Variants in WRN observed in about 807,000 individuals in gnomAD.
The protein encoded by WRN is WRN RecQ like helicase.
In WRN, 149 loss-of-function variants were observed where a neutral mutation model predicts 180.7. The ratio of observed to expected loss-of-function variants is 0.82; its 90% CI spans 0.72 to 0.94. The LOEUF (loss-of-function observed/expected upper bound fraction) is 0.94. Ranked by LOEUF, WRN falls within the 40% of genes least tolerant of loss-of-function variation. The pLI, the probability that WRN is intolerant of heterozygous loss-of-function variation, is 0.00. For synonymous variants in WRN, 548 were observed against 568.9 expected, an observed-to-expected ratio of 0.96 and a Z score of 0.52; for missense variants, 1,661 against 1,700.1, an observed-to-expected ratio of 0.98 and a Z score of 0.40.
At chr8:31,170,156 G>A (rs1461560384) in intron 34 of WRN, among the ~76,000 whole-genome samples, 1 of 152,014 alleles carries the variant, frequency 6.6e-6, no homozygotes, top group East Asian at 1.9e-4. Context: ...AGTTTCCCAA[G>A]GATACCTTTA....
chr8:31,083,926 T>C, intron 10 of WRN, 147 bp downstream of exon 10: 1 of 907,248 alleles, frequency 1.1e-6, no homozygotes, highest in Non-Finnish European at 1.7e-6. Context: ...TTCCAATTCA[T>C]GTTTCTTTCA....
chr8:31,069,817 A>T (rs946139752), intron 7 of WRN, among the ~76,000 whole-genome samples: 1 of 152,172 alleles, frequency 6.6e-6, no homozygotes, highest in African/African-American at 2.4e-5. Context: ...AACTCATAAT[A>T]AAACTAAAAT....
At chr8:31,058,128 G>A (rs1278143339) in intron 1 of WRN, among the ~76,000 whole-genome samples, 1 of 152,148 alleles carries the variant, frequency 6.6e-6, no homozygotes, top group Non-Finnish European at 1.5e-5. Flanking sequence ...GGTTATTCTT[G>A]AGAAAGACTC....
rs758991936 is a variant in WRN, at chr8:31,157,653, A to AT, written c.3982+125dup. 45 of 1,341,304 alleles carry AT rather than the reference A, an allele frequency of 3.4e-5. 1 individual carries two copies. Among genetic ancestry groups the AT allele is most frequent in the Non-Finnish European group, 4.3e-5 (42 of 968,828 alleles). The allele number at this position is 1,341,304 out of a possible 1,614,324, so 83.1% of individuals were successfully genotyped here. Reference sequence around the variant, plus strand: ...CTATTATGAAAACCTTACTTTTGTGATTCTTTTTCTTGTTTTAGGAAAACA... The same window carrying AT: ...CTATTATGAAAACCTTACTTTTGTGATTTCTTTTTCTTGTTTTAGGAAAACA... On this transcript the variant is annotated intron_variant, in intron 33 of 34. Coordinates refer to ENST00000298139, the MANE Select transcript of WRN (RefSeq NM_000553.6).
At chr8:31,092,214 C>T (rs1813775159) in intron 16 of WRN, among the ~76,000 whole-genome samples, 1 of 151,930 alleles carries the variant, frequency 6.6e-6, no homozygotes, top group African/African-American at 2.4e-5. Flanking sequence ...GCATTGTACT[C>T]ATAGAATTAT....
At position 31,157,398 on chromosome 8, in the gene WRN, C is replaced by T. The variant is rs368876038; in HGVS notation, c.3850C>T (p.Leu1284Phe). The change falls in exon 33 of 35, where the codon CTC becomes TTC. Residue 1284 changes from leucine to phenylalanine, a missense_variant. Coordinates refer to ENST00000298139, the MANE Select transcript of WRN (RefSeq NM_000553.6). ...KSIAESRILPLMTIGMHLSQA... is the reference protein window; with the variant it reads ...KSIAESRILPFMTIGMHLSQA... ...CATAGCTGAGAGCAGGATTCTGCCT[C>T]TCATGACAATTGGCATGCACTTATC... The T allele has an allele frequency of 8.1e-6, 13 of 1,614,068 alleles. No homozygotes were observed. Among genetic ancestry groups the T allele is most frequent in the Non-Finnish European group, 9.3e-6 (11 of 1,180,004 alleles).
chr8:31,094,373 TCTCC>T (rs1286219038), intron 16 of WRN, among the ~76,000 whole-genome samples: 1 of 149,368 alleles, frequency 6.7e-6, no homozygotes, highest in Non-Finnish European at 1.5e-5. Context: ...TGAGTCAGGG[TCTCC>T]CTCTGTCTCC....
At chr8:31,132,257 G>T (rs1802208118) in intron 23 of WRN, 108 bp from the exon 24 acceptor site, 2 of 1,343,218 alleles carry the variant, frequency 1.5e-6, no homozygotes, top group Middle Eastern at 2.4e-4. Flanking sequence ...GAAGCAGTTG[G>T]CACATTTGAG....
intron 1 of WRN, among the ~76,000 whole-genome samples, chr8:31,036,772 A>G (rs111458599): frequency 0.037 from 5,595 of 152,114 alleles, 331 homozygotes; most frequent in African/African-American, 0.13. Context: ...CTCTTATTAG[A>G]TGTATAGTTT....
chr8:31,125,964 C>A lies in WRN; in HGVS notation c.2825+964C>A, dbSNP rs911638982. 3.0e-5 allele frequency among the ~76,000 whole-genome samples: 4 copies of A among 132,712 alleles called. No homozygotes were observed. In the East Asian group the frequency reaches 6.1e-4, roughly 20 times the overall value. 87.1% of individuals were successfully genotyped at this position (132,712 alleles called of 152,430 possible). A position where few individuals can be genotyped will look rare whatever the true frequency, so the allele number is the denominator to read the frequency against. On this transcript the variant is annotated intron_variant, in intron 23 of 34. Transcript: ENST00000298139. The stretch of plus-strand genomic sequence containing the variant: ...TTAATCATCACAACCAAGAAGACAT[C>A]ATCCTAAATATATATATATATATAT...
At chr8:31,057,708 G>A (rs775205287) in intron 1 of WRN, among the ~76,000 whole-genome samples, 1 of 151,738 alleles carries the variant, frequency 6.6e-6, no homozygotes, top group East Asian at 1.9e-4. Context: ...ATCAGGGTAC[G>A]GATCCATTTT....
chr8:31,049,771 T>C (rs187936814), intron 1 of WRN, among the ~76,000 whole-genome samples: 8 of 152,238 alleles, frequency 5.3e-5, no homozygotes, highest in African/African-American at 1.9e-4. Context: ...GGGATCCCAG[T>C]ATACTATAGG....
At position 31,173,345 on chromosome 8, in the gene WRN, G is replaced by A; in HGVS notation, c.*243G>A. 1 of 491,836 alleles carries A rather than the reference G, an allele frequency of 2.0e-6. No individual in the cohort carries two copies. The highest frequency in any genetic ancestry group is 3.6e-6 in the Non-Finnish European group (1 of 274,018). The allele number at this position is 491,836 out of a possible 1,614,324, so 30.5% of individuals were successfully genotyped here. A position where few individuals can be genotyped will look rare whatever the true frequency, so the allele number is the denominator to read the frequency against. On this transcript the variant is annotated 3_prime_UTR_variant, in exon 35 of 35. Transcript: ENST00000298139. ...ATTAAATTAGACTTCCTGTAAGATTGCTTTAAGAAACTGTTACTGTCCTGT... is the reference window on the plus strand; with the variant it reads ...ATTAAATTAGACTTCCTGTAAGATTACTTTAAGAAACTGTTACTGTCCTGT...
intron 21 of WRN, 130 bp downstream of exon 21, chr8:31,120,554 A>G: frequency 1.0e-6 from 1 of 974,244 alleles, no homozygotes; most frequent in Non-Finnish European, 1.5e-6. Flanking sequence ...AAAAAAAAAA[A>G]AAGAAAAATA....
chr8:31,114,022 T>C (rs60717634), intron 19 of WRN, among the ~76,000 whole-genome samples: 3,995 of 152,048 alleles, frequency 0.026, 169 homozygotes, highest in African/African-American at 0.088. Flanking sequence ...TCAAGAAAGA[T>C]TTTTGTACCC....
At chr8:31,121,549 A>C (rs1283432449) in intron 21 of WRN, among the ~76,000 whole-genome samples, 1 of 152,004 alleles carries the variant, frequency 6.6e-6, no homozygotes, top group African/African-American at 2.4e-5. Context: ...CAACAATCAA[A>C]ATTTTGTAAA....
At position 31,064,812 on chromosome 8, in the gene WRN, C is replaced by T. The variant is rs1301740436; in HGVS notation, c.356-103C>T. On this transcript the variant is annotated intron_variant, in intron 4 of 34. Coordinates refer to ENST00000298139, the MANE Select transcript of WRN (RefSeq NM_000553.6). Reference sequence around the variant, plus strand: ...CAATGTGTTTCTGAATTTAAAATTACTGTTAAATACAAATTTACACATAAA... The same window carrying T: ...CAATGTGTTTCTGAATTTAAAATTATTGTTAAATACAAATTTACACATAAA... 5.3e-6 allele frequency: 7 copies of T among 1,317,708 alleles called. No individual in the cohort carries two copies. In the East Asian group the frequency reaches 7.5e-5, roughly 14 times the overall value. The allele number at this position is 1,317,708 out of a possible 1,614,324, so 81.6% of individuals were successfully genotyped here.
At chr8:31,122,102 G>T (rs1196651186) in intron 21 of WRN, among the ~76,000 whole-genome samples, 2 of 151,876 alleles carry the variant, frequency 1.3e-5, no homozygotes, top group South Asian at 4.1e-4. Flanking sequence ...ATTTTAAATG[G>T]TTATCTCATT....
chr8:31,132,525 A>T lies in WRN; in HGVS notation c.2967+19A>T. On this transcript the variant is annotated intron_variant, in intron 24 of 34. Transcript: ENST00000298139. ...AGGATCTGTAAGTATATATCTGTGAATTCCCTTCATAGATCTTCTTTTACT... is the reference window on the plus strand; with the variant it reads ...AGGATCTGTAAGTATATATCTGTGATTTCCCTTCATAGATCTTCTTTTACT... The T allele has an allele frequency of 6.3e-7, 1 of 1,594,404 alleles. No individual in the cohort carries two copies.
Sources: allele counts gnomAD v4.1 joint callset (sites outside exome capture counted in the v4.1 genomes callset), GRCh38; gene constraint gnomAD v4.1.1; transcripts MANE v1.5; gene names NCBI Gene and HGNC (gene_info 2026-07-23, HGNC 2026-07-21).